Variants in FOXN3 observed in about 807,000 individuals in gnomAD.
FOXN3 encodes forkhead box protein N3.
FOXN3 carries 7 observed loss-of-function variants against 38.4 expected under a neutral mutation model. The observed-to-expected ratio is 0.18, with a 90% CI of 0.10 to 0.34. The LOEUF (loss-of-function observed/expected upper bound fraction) is 0.34, where lower values mean the gene tolerates loss of function less well. FOXN3 is among the 10% of genes least tolerant of loss of function. The pLI is 1.00. For missense variants in FOXN3, 456 were observed against 613.4 expected (o/e 0.74, Z 2.71); for synonymous variants, 230 against 242.2 (o/e 0.95, Z 0.47).
intron 3 of FOXN3, among the ~76,000 whole-genome samples, chr14:89,298,918 C>T (rs1887132434): frequency 6.6e-6 from 1 of 151,670 alleles, no homozygotes; most frequent in Admixed American, 6.6e-5. Flanking sequence ...AATACACTGA[C>T]AGTCTCTTCT....
At chr14:89,455,161 A>G (rs1443904312) in intron 1 of FOXN3, among the ~76,000 whole-genome samples, 1 of 152,202 alleles carries the variant, frequency 6.6e-6, no homozygotes, top group African/African-American at 2.4e-5. Flanking sequence ...GATGAGAATC[A>G]TCTCCAATGT....
At chr14:89,537,549 T>C (rs905919749) in intron 1 of FOXN3, among the ~76,000 whole-genome samples, 1 of 152,138 alleles carries the variant, frequency 6.6e-6, no homozygotes, top group African/African-American at 2.4e-5. Flanking sequence ...CATGGATGAA[T>C]GGATGGAAGG....
At chr14:89,480,138 A>G (rs1893291922) in intron 1 of FOXN3, among the ~76,000 whole-genome samples, 1 of 152,210 alleles carries the variant, frequency 6.6e-6, no homozygotes, top group South Asian at 2.1e-4. Flanking sequence ...ACACTTTATG[A>G]TCAGTAAAAT....
intron 3 of FOXN3, among the ~76,000 whole-genome samples, chr14:89,300,372 G>C (rs988596013): frequency 6.6e-6 from 1 of 152,028 alleles, no homozygotes; most frequent in African/African-American, 2.4e-5. Context: ...TATAGAGACA[G>C]GGTTTCACTA....
intron 5 of FOXN3, among the ~76,000 whole-genome samples, chr14:89,176,435 A>G (rs1887520494): frequency 6.6e-6 from 1 of 152,236 alleles, no homozygotes; most frequent in Non-Finnish European, 1.5e-5. Flanking sequence ...AAAACCTGTC[A>G]CACAAAAGAG....
At chr14:89,469,802 A>G (rs1006716002) in intron 1 of FOXN3, among the ~76,000 whole-genome samples, 1 of 152,158 alleles carries the variant, frequency 6.6e-6, no homozygotes, top group African/African-American at 2.4e-5. Flanking sequence ...TCCGAAGGAG[A>G]GAAAAGGCAC....
intron 3 of FOXN3, among the ~76,000 whole-genome samples, chr14:89,317,708 C>T (rs147744306): frequency 6.6e-6 from 1 of 152,010 alleles, no homozygotes; most frequent in African/African-American, 2.4e-5. Flanking sequence ...CCTCCTTTCC[C>T]CCCCCATAGA....
chr14:89,454,667 C>A (rs1281860252), intron 1 of FOXN3, among the ~76,000 whole-genome samples: 1 of 152,186 alleles, frequency 6.6e-6, no homozygotes, highest in African/African-American at 2.4e-5. Context: ...ATAATGGAAA[C>A]TACAGCTTTT....
At chr14:89,611,610 T>G (rs182287010) in intron 1 of FOXN3, among the ~76,000 whole-genome samples, 76 of 152,040 alleles carry the variant, frequency 5.0e-4, no homozygotes, top group Non-Finnish European at 9.6e-4. Context: ...ATCGAGACCA[T>G]CCTGGTTAAC....
intron 4 of FOXN3, among the ~76,000 whole-genome samples, chr14:89,251,278 G>A (rs551745036): frequency 2.6e-5 from 4 of 152,170 alleles, no homozygotes; most frequent in East Asian, 1.9e-4. Context: ...GTACTGTCCC[G>A]GAATTCACCC....
intron 2 of FOXN3, among the ~76,000 whole-genome samples, chr14:89,369,015 A>G (rs1286454095): frequency 1.3e-5 from 2 of 152,188 alleles, no homozygotes; most frequent in Non-Finnish European, 2.9e-5. Context: ...TCTGGCCACC[A>G]TGTCATGAGT....
At chr14:89,407,522 G>A (rs544574929) in intron 2 of FOXN3, among the ~76,000 whole-genome samples, 9 of 152,320 alleles carry the variant, frequency 5.9e-5, no homozygotes, top group African/African-American at 9.6e-5. Context: ...AATTGTAAAT[G>A]TCATCTGCTT....
intron 2 of FOXN3, among the ~76,000 whole-genome samples, chr14:89,358,840 C>T (rs757677104): frequency 6.6e-6 from 1 of 152,174 alleles, no homozygotes; most frequent in Non-Finnish European, 1.5e-5. Context: ...GAGTCTGAGT[C>T]TTGTTTCAAT....
At chr14:89,222,199 C>A (rs1884489364) in intron 4 of FOXN3, among the ~76,000 whole-genome samples, 2 of 152,198 alleles carry the variant, frequency 1.3e-5, no homozygotes, top group South Asian at 4.1e-4. Context: ...CTCTCCAGAG[C>A]TGATGTCACC....
intron 2 of FOXN3, among the ~76,000 whole-genome samples, chr14:89,409,738 TTTAAATAC>T (rs1891491404): frequency 6.6e-6 from 1 of 152,156 alleles, no homozygotes; most frequent in Non-Finnish European, 1.5e-5. Context: ...ATACAGAAGC[TTTAAATAC>T]CACAGACCTG....
intron 4 of FOXN3, among the ~76,000 whole-genome samples, chr14:89,257,937 G>C (rs937407169): frequency 6.6e-6 from 1 of 152,146 alleles, no homozygotes; most frequent in Non-Finnish European, 1.5e-5. Context: ...ACAATGGTGT[G>C]AGCATTTTTA....
chr14:89,300,930 G>C (rs1209175261), intron 3 of FOXN3, among the ~76,000 whole-genome samples: 1 of 152,058 alleles, frequency 6.6e-6, no homozygotes, highest in African/African-American at 2.4e-5. Flanking sequence ...CCACGTAGCT[G>C]GGATTATAGG....
At chr14:89,168,888 A>C (rs1303633467) in intron 5 of FOXN3, among the ~76,000 whole-genome samples, 2 of 152,246 alleles carry the variant, frequency 1.3e-5, no homozygotes, top group African/African-American at 2.4e-5. Context: ...TATCGCCTAA[A>C]GTACTAATTA....
chr14:89,496,138 G>A (rs34074016), intron 1 of FOXN3, among the ~76,000 whole-genome samples: 309 of 152,176 alleles, frequency 2.0e-3, no homozygotes, highest in Non-Finnish European at 4.0e-3. Flanking sequence ...TCTTGAACCC[G>A]GGAGGCGGAG....
Sources: allele counts gnomAD v4.1 joint callset (sites outside exome capture counted in the v4.1 genomes callset), GRCh38; gene constraint gnomAD v4.1.1; transcripts MANE v1.5; gene names NCBI Gene and HGNC (gene_info 2026-07-23, HGNC 2026-07-21).